The following SNX29 variants were observed in gnomAD, a reference collection of about 807,000 sequenced individuals.
SNX29 encodes sorting nexin-29.
A neutral mutation model predicts 102.1 loss-of-function variants in SNX29; 78 were observed. The ratio of observed to expected loss-of-function variants is 0.76; its 90% CI spans 0.64 to 0.92. SNX29 has a LOEUF of 0.92. Among genes scored for constraint, SNX29 ranks in the 40% least tolerant of loss-of-function variants. The pLI, the probability that SNX29 is intolerant of heterozygous loss-of-function variation, is 0.00. For synonymous variants in SNX29, 580 were observed against 414.5 expected (o/e 1.40, Z -4.85); for missense variants, 1,280 against 1,061.7 (o/e 1.21, Z -2.86).
At chr16:12,525,318 C>T (rs1465888725) in intron 20 of SNX29, among the ~76,000 whole-genome samples, 1 of 149,296 alleles carries the variant, frequency 6.7e-6, no homozygotes, top group Non-Finnish European at 1.5e-5. Context: ...CTTCTTCTCT[C>T]TTGAAAAAAG....
chr16:12,071,390 C>T (rs995211018), intron 10 of SNX29, among the ~76,000 whole-genome samples: 3 of 152,122 alleles, frequency 2.0e-5, no homozygotes, highest in Non-Finnish European at 4.4e-5. Flanking sequence ...CTACATATGG[C>T]TAGCCAGTTT....
chr16:12,346,828 G>T (rs1435022387), intron 15 of SNX29, among the ~76,000 whole-genome samples: 1 of 152,114 alleles, frequency 6.6e-6, no homozygotes, highest in African/African-American at 2.4e-5. Flanking sequence ...GAGCATCATT[G>T]TCTCCAGGGG....
At chr16:12,560,837 C>G (rs1168485913) in intron 20 of SNX29, 2 of 181,486 alleles carry the variant, frequency 1.1e-5, no homozygotes, top group South Asian at 2.0e-4. Flanking sequence ...ACATGGCCGG[C>G]TTAAGGATGT....
intron 19 of SNX29, among the ~76,000 whole-genome samples, chr16:12,503,772 T>A (rs1339432572): frequency 6.6e-6 from 1 of 152,176 alleles, no homozygotes; most frequent in African/African-American, 2.4e-5. Context: ...CCCAGACTTA[T>A]TATGGCAATA....
At chr16:12,345,513 T>C (rs4781207) in intron 15 of SNX29, among the ~76,000 whole-genome samples, 86,322 of 152,098 alleles carry the variant, frequency 0.57, 25,197 homozygotes, top group African/African-American at 0.65. Context: ...TGTGGCCAGT[T>C]GGAGCACTTC....
intron 15 of SNX29, among the ~76,000 whole-genome samples, chr16:12,300,714 C>T (rs964690146): frequency 1.3e-5 from 2 of 152,210 alleles, no homozygotes; most frequent in Non-Finnish European, 2.9e-5. Flanking sequence ...GCCGTCGTGA[C>T]ATCTCCGTGG....
intron 9 of SNX29, among the ~76,000 whole-genome samples, chr16:12,065,368 C>T (rs968059244): frequency 3.9e-5 from 6 of 152,110 alleles, no homozygotes; most frequent in African/African-American, 7.2e-5. Flanking sequence ...GAATAGTAAA[C>T]GGGTGAAAAA....
intron 13 of SNX29, among the ~76,000 whole-genome samples, chr16:12,163,627 C>T (rs991453623): frequency 4.6e-5 from 7 of 152,156 alleles, no homozygotes; most frequent in Non-Finnish European, 7.4e-5. Context: ...TAGAAATCTC[C>T]TGTAGAAGCT....
chr16:12,179,375 C>T (rs2076332561), intron 13 of SNX29, among the ~76,000 whole-genome samples: 2 of 152,184 alleles, frequency 1.3e-5, no homozygotes, highest in South Asian at 4.1e-4. Context: ...GGCCTAGCTA[C>T]TCGGGAGGCC....
intron 20 of SNX29, among the ~76,000 whole-genome samples, chr16:12,536,980 AAAAAAATAAAAT>A (rs1398557572): frequency 4.0e-5 from 6 of 148,448 alleles, no homozygotes; most frequent in Admixed American, 6.7e-5. Flanking sequence ...AACCCGTCTT[AAAAAAATAAAAT>A]AAAAAGAGTT....
At chr16:12,509,934 T>A (rs1026079464) in intron 19 of SNX29, among the ~76,000 whole-genome samples, 1 of 152,278 alleles carries the variant, frequency 6.6e-6, no homozygotes, top group Admixed American at 6.5e-5. Flanking sequence ...CATGTATCTG[T>A]AAATTTGTTT....
At chr16:12,452,128 A>T (rs1429217374) in intron 18 of SNX29, among the ~76,000 whole-genome samples, 2 of 152,208 alleles carry the variant, frequency 1.3e-5, no homozygotes, top group African/African-American at 4.8e-5. Flanking sequence ...GGCTTAAATG[A>T]GGTAGAACAG....
chr16:12,572,811 T>G lies in SNX29; in HGVS notation c.*4182T>G. ...CTCCTTCCCCAGTACATCAGACTGGTTAGGAGGCATCCCAGAAGGGGCAGC... is the reference window on the plus strand; with the variant it reads ...CTCCTTCCCCAGTACATCAGACTGGGTAGGAGGCATCCCAGAAGGGGCAGC... On this transcript the variant is annotated 3_prime_UTR_variant, in exon 21 of 21. Transcript: ENST00000566228. The G allele has an allele frequency of 9.4e-7, 1 of 1,063,760 alleles. No homozygotes were observed. The highest frequency in any genetic ancestry group is 1.1e-6 in the Non-Finnish European group (1 of 878,302). The allele number at this position is 1,063,760 out of a possible 1,614,324, so 65.9% of individuals were successfully genotyped here.
chr16:12,493,044 A>G lies in SNX29; in HGVS notation c.2178+15185A>G, dbSNP rs535587820. ...TTTTTTGGTTCCATATGAACTTTAAAGTAGTTTTTTCCAATTCTGTGAAGA... is the reference window on the plus strand; with the variant it reads ...TTTTTTGGTTCCATATGAACTTTAAGGTAGTTTTTTCCAATTCTGTGAAGA... On this transcript the variant is annotated intron_variant, in intron 19 of 20. Transcript: ENST00000566228. Among the ~76,000 whole-genome samples, 5 of 152,310 alleles carry G rather than the reference A, an allele frequency of 3.3e-5. No homozygotes were observed. The South Asian group carries it at 6.2e-4, about 19-fold the overall frequency.
At chr16:12,430,249 C>G (rs1437941572) in intron 18 of SNX29, among the ~76,000 whole-genome samples, 1 of 152,228 alleles carries the variant, frequency 6.6e-6, no homozygotes, top group African/African-American at 2.4e-5. Flanking sequence ...AAATTGGTCC[C>G]TGGTGCCAAA....
chr16:12,521,356 T>C (rs2090092581), intron 19 of SNX29, among the ~76,000 whole-genome samples: 1 of 151,054 alleles, frequency 6.6e-6, no homozygotes, highest in South Asian at 2.1e-4. Flanking sequence ...TTGTGAGGAG[T>C]GAGCACTTGG....
intron 19 of SNX29, among the ~76,000 whole-genome samples, chr16:12,502,379 C>T (rs2089167797): frequency 6.6e-6 from 1 of 152,096 alleles, no homozygotes; most frequent in African/African-American, 2.4e-5. Flanking sequence ...TTGAGTGATT[C>T]GGGGAATGGC....
intron 6 of SNX29, among the ~76,000 whole-genome samples, 178 bp downstream of exon 6, chr16:12,046,632 C>T (rs11859602): frequency 0.39 from 59,612 of 151,930 alleles, 12,328 homozygotes; most frequent in Middle Eastern, 0.51. Context: ...AATTTGTATT[C>T]CTTTAAAGAG....
rs576775517 is a variant in SNX29, at chr16:12,564,389, A to C, written c.2319-4117A>C. Among the ~76,000 whole-genome samples, 5 of 139,512 alleles carry C rather than the reference A, an allele frequency of 3.6e-5. No homozygotes were observed. The East Asian group carries it at 1.2e-3, about 34-fold the overall frequency. The allele number at this position is 139,512 out of a possible 152,430, so 91.5% of individuals were successfully genotyped here. On this transcript the variant is annotated intron_variant, in intron 20 of 20. Transcript: ENST00000566228. ...TCTATTTCTAATCACCACCAACTGC[A>C]TAAATATGCATCAATGATGTATGAT...
Sources: allele counts gnomAD v4.1 joint callset (sites outside exome capture counted in the v4.1 genomes callset), GRCh38; gene constraint gnomAD v4.1.1; transcripts MANE v1.5; gene names NCBI Gene and HGNC (gene_info 2026-07-23, HGNC 2026-07-21).